The following IQCK variants were observed in gnomAD, a reference collection of about 807,000 sequenced individuals.
IQCK encodes the protein IQ domain-containing protein K.
IQCK carries 29 observed loss-of-function variants against 28.1 expected under a neutral mutation model. The observed-to-expected ratio is 1.03, with a 90% CI of 0.77 to 1.41. IQCK has a LOEUF of 1.41. Ranked by LOEUF, IQCK falls within the 40% of genes most tolerant of loss-of-function variation. IQCK has a pLI of 0.00. For missense variants in IQCK, 359 were observed against 314.7 expected, an observed-to-expected ratio of 1.14 and a Z score of -1.07; for synonymous variants, 113 against 115.1, an observed-to-expected ratio of 0.98 and a Z score of 0.12.
chr16:19,764,097 A>G, exon 6 of IQCK: 1 of 1,612,796 alleles, frequency 6.2e-7, no homozygotes, highest in Non-Finnish European at 8.5e-7. Context: ...TTTGTGGAGG[A>G]GCGGCTAAAG....
chr16:19,837,859 G>A (rs941068660), intron 9 of IQCK, among the ~76,000 whole-genome samples: 1 of 152,194 alleles, frequency 6.6e-6, no homozygotes, highest in Non-Finnish European at 1.5e-5. Flanking sequence ...CTATGGATTA[G>A]CTACAAGATC....
At chr16:19,744,169 T>A (rs187944373) in intron 4 of IQCK, among the ~76,000 whole-genome samples, 27 of 152,352 alleles carry the variant, frequency 1.8e-4, no homozygotes, top group Admixed American at 1.8e-3. Flanking sequence ...TTGTGATTCT[T>A]TTATATATAT....
chr16:19,737,739 G>C (rs577036062), intron 4 of IQCK, among the ~76,000 whole-genome samples: 8 of 151,604 alleles, frequency 5.3e-5, no homozygotes, highest in African/African-American at 1.9e-4. Flanking sequence ...TCTCTCCCCC[G>C]CAGTGCTCCC....
At chr16:19,857,202 C>T (rs1811049973) in exon 10 of IQCK, 1 of 259,694 alleles carries the variant, frequency 3.9e-6, no homozygotes, top group African/African-American at 2.3e-5. Context: ...CCAAGATTCT[C>T]CCATTTAAAA....
intron 6 of IQCK, among the ~76,000 whole-genome samples, chr16:19,770,835 C>T (rs1173432011): frequency 6.6e-6 from 1 of 152,162 alleles, no homozygotes; most frequent in Non-Finnish European, 1.5e-5. Context: ...GTTGGCCAGG[C>T]TGGACTCAAA....
chr16:19,774,643 C>T (rs558376433), intron 6 of IQCK, among the ~76,000 whole-genome samples: 1 of 151,948 alleles, frequency 6.6e-6, no homozygotes, highest in African/African-American at 2.4e-5. Context: ...GGATTACAGG[C>T]GTGAGCCACT....
At chr16:19,852,466 C>T (rs1009867839) in intron 9 of IQCK, among the ~76,000 whole-genome samples, 3 of 152,032 alleles carry the variant, frequency 2.0e-5, no homozygotes, top group African/African-American at 7.2e-5. Flanking sequence ...AAGCTCTTCC[C>T]CCATGAAGCC....
intron 6 of IQCK, among the ~76,000 whole-genome samples, chr16:19,773,583 A>G (rs1021087761): frequency 1.3e-5 from 2 of 152,222 alleles, no homozygotes; most frequent in African/African-American, 2.4e-5. Flanking sequence ...AGCCACAGAC[A>G]GTCTCTCAGC....
Position 19,820,542 on chromosome 16 carries a change from G to A in IQCK, c.691-6484G>A, listed in dbSNP as rs564980513. On this transcript the variant is annotated intron_variant, in intron 7 of 7. Coordinates refer to ENST00000564186, the Ensembl canonical transcript of IQCK. The stretch of plus-strand genomic sequence containing the variant: ...CGGGCGCCTGTAGTCCCAGCTACTC[G>A]GGAGGCTGAGGCACGAGAATCACTT... Among the ~76,000 whole-genome samples, 44 of 151,996 alleles carry A rather than the reference G, an allele frequency of 2.9e-4. No homozygotes were observed. The East Asian group carries it at 3.5e-3, about 12-fold the overall frequency.
At chr16:19,725,992 C>G (rs1198834294) in intron 1 of IQCK, among the ~76,000 whole-genome samples, 3 of 151,290 alleles carry the variant, frequency 2.0e-5, no homozygotes, top group Non-Finnish European at 4.4e-5. Flanking sequence ...CTCTGCTCAC[C>G]GCAAGCTCCA....
At chr16:19,846,543 G>A (rs34901066) in intron 9 of IQCK, among the ~76,000 whole-genome samples, 11,349 of 152,220 alleles carry the variant, frequency 0.075, 697 homozygotes, top group South Asian at 0.28. Flanking sequence ...AGGAGACTTT[G>A]CTCTGGATTA....
intron 9 of IQCK, among the ~76,000 whole-genome samples, chr16:19,851,107 C>T (rs189284277): frequency 9.0e-4 from 137 of 152,310 alleles, no homozygotes; most frequent in African/African-American, 3.2e-3. Context: ...TTGCATTTTG[C>T]ACAGCTTGCC....
At chr16:19,801,266 T>C (rs1332724171) in intron 7 of IQCK, among the ~76,000 whole-genome samples, 1 of 120,296 alleles carries the variant, frequency 8.3e-6, no homozygotes, top group Non-Finnish European at 1.5e-5. Flanking sequence ...GACCTCCTAT[T>C]ACAAGTCTTC....
rs1288824758 is a variant in IQCK at position 19,839,628 on chromosome 16, G to C, written c.802+12491G>C. 6.6e-5 allele frequency among the ~76,000 whole-genome samples: 10 copies of C among 152,128 alleles called. No individual in the cohort carries two copies. The South Asian group carries it at 1.9e-3, about 28-fold the overall frequency. ...GTAGACAGTCAAGGAATACTTGTTG[G>C]TTGAATGAATGGATCTGTGTTACAT... is the stretch of plus-strand genomic sequence containing the variant. On this transcript the variant is annotated intron_variant, in intron 9 of 9. Coordinates refer to the IQCK transcript ENST00000320394.
At chr16:19,729,294 G>C (rs554135334) in intron 1 of IQCK, among the ~76,000 whole-genome samples, 3 of 152,114 alleles carry the variant, frequency 2.0e-5, no homozygotes, top group Non-Finnish European at 4.4e-5. Flanking sequence ...TTTTAGTGGA[G>C]ATGAGGTTTC....
intron 6 of IQCK, among the ~76,000 whole-genome samples, chr16:19,783,052 A>G (rs7185335): frequency 0.34 from 51,086 of 150,794 alleles, 13,628 homozygotes; most frequent in African/African-American, 0.75. Context: ...AGGCTGGAGT[A>G]CAGTGGTGCG....
chr16:19,804,235 T>G (rs1385599704), intron 7 of IQCK, among the ~76,000 whole-genome samples: 1 of 151,756 alleles, frequency 6.6e-6, no homozygotes, highest in Non-Finnish European at 1.5e-5. Flanking sequence ...ATGCCTGTAC[T>G]TGGGAGGCTG....
At chr16:19,723,505 A>C (rs989633440) in intron 1 of IQCK, among the ~76,000 whole-genome samples, 1 of 152,118 alleles carries the variant, frequency 6.6e-6, no homozygotes, top group Non-Finnish European at 1.5e-5. Flanking sequence ...GAGGCTTAGA[A>C]AGGTTAGGAA....
chr16:19,836,424 C>T (rs2056298422), intron 9 of IQCK, among the ~76,000 whole-genome samples: 1 of 152,146 alleles, frequency 6.6e-6, no homozygotes, highest in South Asian at 2.1e-4. Flanking sequence ...TGACAGAAGC[C>T]TCCCACTGCA....
Sources: allele counts gnomAD v4.1 joint callset (sites outside exome capture counted in the v4.1 genomes callset), GRCh38; gene constraint gnomAD v4.1.1; transcripts MANE v1.5; gene names NCBI Gene and HGNC (gene_info 2026-07-23, HGNC 2026-07-21).